TICAM2: variants seen among roughly 807,000 people sequenced by gnomAD.
The protein encoded by TICAM2 is TIR domain-containing adapter molecule 2.
In TICAM2, 8 loss-of-function variants were observed where a neutral mutation model predicts 7.3. The observed-to-expected ratio is 1.10, with a 90% confidence interval of 0.65 to 1.99. TICAM2 has a LOEUF of 1.99. TICAM2 is among the 30% of genes most tolerant of loss of function. The pLI, the probability that TICAM2 is intolerant of heterozygous loss-of-function variation, is 0.00. For synonymous variants in TICAM2, 113 were observed against 99.6 expected (o/e 1.13, Z -0.80); for missense variants, 304 against 278.8 (o/e 1.09, Z -0.65).
intron 1 of TICAM2, among the ~76,000 whole-genome samples, chr5:115,582,339 T>G (rs1361027631): frequency 2.5e-4 from 33 of 131,686 alleles, no homozygotes; most frequent in Non-Finnish European, 4.4e-4. Context: ...TTTTTTTTGG[T>G]TTTTTTTTTT....
rs1184829160 is a variant in TICAM2, at chr5:115,602,097, C to T, written c.-60G>A. On this transcript the variant is annotated splice_region_variant and 5_prime_UTR_variant, in exon 1 of 2. Transcript: ENST00000427199. Reference sequence around the variant, plus strand: ...CCCCGCCCTAGCGCCCGGTACTTGCCTGCAGGCGAGCGCCACCACAGTCAG... The same window carrying T: ...CCCCGCCCTAGCGCCCGGTACTTGCTTGCAGGCGAGCGCCACCACAGTCAG... 2 of 152,248 alleles carry T rather than the reference C, an allele frequency of 1.3e-5. No homozygotes were observed. The highest frequency in any genetic ancestry group is 1.3e-4 in the Admixed American group (2 of 15,276). The allele number at this position is 152,248 out of a possible 1,614,324, so 9.4% of individuals were successfully genotyped here.
At chr5:115,591,176 T>C (rs551803398) in intron 1 of TICAM2, among the ~76,000 whole-genome samples, 1 of 152,354 alleles carries the variant, frequency 6.6e-6, no homozygotes, top group Admixed American at 6.5e-5. Context: ...CCCTAGAGTA[T>C]TTTTCAATTT....
Position 115,578,593 on chromosome 5 carries a change from A to G in TICAM2, c.*1956T>C, listed in dbSNP as rs1377935346. The G allele has an allele frequency of 6.6e-6, 1 of 152,212 alleles. No individual in the cohort carries two copies. The highest frequency in any genetic ancestry group is 1.5e-5 in the Non-Finnish European group (1 of 68,046). 9.4% of individuals were successfully genotyped at this position (152,212 alleles called of 1,614,324 possible). ...GAAGTACAAATCGATGCTTCATTTC[A>G]AAACACTCTTCCACAATCTTCATTG... is the stretch of plus-strand genomic sequence containing the variant. On this transcript the variant is annotated 3_prime_UTR_variant, in exon 2 of 2. Coordinates refer to ENST00000427199, the MANE Select transcript of TICAM2 (RefSeq NM_021649.7).
At chr5:115,597,077 T>C (rs1755539271) in intron 1 of TICAM2, among the ~76,000 whole-genome samples, 1 of 152,202 alleles carries the variant, frequency 6.6e-6, no homozygotes. Context: ...AAAATAATTA[T>C]CTCAAAACAA....
At chr5:115,599,062 C>CAA (rs200920989) in intron 1 of TICAM2, among the ~76,000 whole-genome samples, 6 of 78,540 alleles carry the variant, frequency 7.6e-5, no homozygotes, top group African/African-American at 9.5e-5. Context: ...GACCTTGTCT[C>CAA]AAAAAAAAAA....
At chr5:115,589,762 T>G (rs578174462) in intron 1 of TICAM2, among the ~76,000 whole-genome samples, 1 of 152,324 alleles carries the variant, frequency 6.6e-6, no homozygotes, top group African/African-American at 2.4e-5. Flanking sequence ...TTCTCATCAT[T>G]CTCGCTAGAC....
chr5:115,583,206 A>G (rs1405968282), intron 1 of TICAM2, among the ~76,000 whole-genome samples: 4 of 152,230 alleles, frequency 2.6e-5, no homozygotes, highest in African/African-American at 4.8e-5. Context: ...GAATGAGAAA[A>G]CAATAGTTAA....
chr5:115,600,200 C>G (rs1432225800), intron 1 of TICAM2, among the ~76,000 whole-genome samples: 1 of 152,210 alleles, frequency 6.6e-6, no homozygotes, highest in East Asian at 1.9e-4. Context: ...AGGGAGGGAG[C>G]TGAGGGGAAA....
chr5:115,598,791 G>T (rs1440019800), intron 1 of TICAM2, among the ~76,000 whole-genome samples: 3 of 151,890 alleles, frequency 2.0e-5, no homozygotes, highest in Non-Finnish European at 1.5e-5. Flanking sequence ...TACAAGAAGG[G>T]GTGATAGTAC....
At position 115,579,261 on chromosome 5, in the gene TICAM2, TC is replaced by T. The variant is rs1032719590; in HGVS notation, c.*1287del. On this transcript the variant is annotated 3_prime_UTR_variant, in exon 2 of 2. Coordinates refer to ENST00000427199, the MANE Select transcript of TICAM2 (RefSeq NM_021649.7). ...ATCGAATCCAAACTTTTTTGCTTGT[TC>T]CCTTTTGTGGTCCCTAGTTTTTCAC... The T allele has an allele frequency of 1.3e-5, 2 of 152,662 alleles. No homozygotes were observed. Among genetic ancestry groups the T allele is most frequent in the African/African-American group, 2.4e-5 (1 of 41,450 alleles). The allele number at this position is 152,662 out of a possible 1,614,324, so 9.5% of individuals were successfully genotyped here.
At position 115,580,631 on chromosome 5, in the gene TICAM2, A is replaced by C. The variant is rs1754882741; in HGVS notation, c.626T>G (p.Ile209Ser). Reference sequence around the variant, plus strand: ...TGTCTTATACACAGACTCCTGAAAAATTCTTTCTACTTGTGTAGGAAATCC... The same window carrying C: ...TGTCTTATACACAGACTCCTGAAAACTTCTTTCTACTTGTGTAGGAAATCC... ...SRGFPTQVER[I>S]FQESVYKTQQ... The change falls in exon 2 of 2, where the codon ATT becomes AGT. Residue 209 changes from isoleucine (I) to serine (S), a missense_variant. Coordinates refer to ENST00000427199, the MANE Select transcript of TICAM2 (RefSeq NM_021649.7). 6.3e-7 allele frequency: 1 copy of C among 1,588,414 alleles called. No individual in the cohort carries two copies. The highest frequency in any genetic ancestry group is 8.5e-7 in the Non-Finnish European group (1 of 1,171,720).
Position 115,581,005 on chromosome 5 carries a change from C to T in TICAM2, c.252G>A (p.Leu84=). The stretch of plus-strand genomic sequence containing the variant: ...CTTCATCTGTGTCATCTTCTGCATG[C>T]AATATCACAAATTTGAGGAACACCT... The part of the protein sequence containing the change: ...EEEVFLKFVI[L]HAEDDTDEAL... Residue 84 remains leucine, a synonymous_variant, in exon 2 of 2, where the codon TTG becomes TTA. Transcript: ENST00000427199. The T allele has an allele frequency of 1.2e-6, 2 of 1,613,988 alleles. No individual in the cohort carries two copies. Among genetic ancestry groups the T allele is most frequent in the Non-Finnish European group, 1.7e-6 (2 of 1,179,934 alleles).
chr5:115,601,237 C>G (rs1755722924), intron 1 of TICAM2, among the ~76,000 whole-genome samples: 1 of 152,148 alleles, frequency 6.6e-6, no homozygotes, highest in Admixed American at 6.5e-5. Flanking sequence ...CCTGCAAGTC[C>G]TGCACATGTA....
intron 1 of TICAM2, among the ~76,000 whole-genome samples, chr5:115,585,326 G>C (rs1220880231): frequency 6.6e-6 from 1 of 152,156 alleles, no homozygotes; most frequent in African/African-American, 2.4e-5. Flanking sequence ...TCAAAGCGTA[G>C]TCCATGAACA....
chr5:115,597,572 T>C (rs1201623913), intron 1 of TICAM2, among the ~76,000 whole-genome samples: 1 of 152,112 alleles, frequency 6.6e-6, no homozygotes, highest in Non-Finnish European at 1.5e-5. Context: ...TGAAATGTAA[T>C]TAAAGAAAAG....
rs1345659845 is a variant in TICAM2, at chr5:115,579,234, T to C, written c.*1315A>G. The C allele has an allele frequency of 6.6e-6, 1 of 152,660 alleles. No homozygotes were observed. The allele number at this position is 152,660 out of a possible 1,614,324, so 9.5% of individuals were successfully genotyped here. A position where few individuals can be genotyped will look rare whatever the true frequency, so the allele number is the denominator to read the frequency against. On this transcript the variant is annotated 3_prime_UTR_variant, in exon 2 of 2. Coordinates refer to ENST00000427199, the MANE Select transcript of TICAM2 (RefSeq NM_021649.7). The stretch of plus-strand genomic sequence containing the variant: ...CCTTCTGCAACTATTACATATCACT[T>C]TATCGAATCCAAACTTTTTTGCTTG...
chr5:115,587,633 G>C (rs140217408), intron 1 of TICAM2, among the ~76,000 whole-genome samples: 2,311 of 152,208 alleles, frequency 0.015, 28 homozygotes, highest in Middle Eastern at 0.027. Flanking sequence ...TATGCTTTTT[G>C]TAACTTGGTG....
chr5:115,597,204 ATTAC>A (rs1755543272), intron 1 of TICAM2, among the ~76,000 whole-genome samples: 2 of 152,210 alleles, frequency 1.3e-5, no homozygotes, highest in Admixed American at 1.3e-4. Context: ...CTGAATAAAT[ATTAC>A]TTTCTTTTAG....
At chr5:115,581,972 T>C (rs1388232296) in intron 1 of TICAM2, 1 of 152,126 alleles carries the variant, frequency 6.6e-6, no homozygotes, top group African/African-American at 2.4e-5. Context: ...GTAAGAAATA[T>C]CTTTTTCCAA....
Sources: gnomAD v4.1 joint callset for allele counts (sites outside exome capture counted in the v4.1 genomes callset) on GRCh38, gnomAD v4.1.1 for gene constraint, MANE v1.5 for transcripts, NCBI Gene and HGNC (gene_info 2026-07-23, HGNC 2026-07-21) for gene names.